GPC5: variants seen among roughly 807,000 people sequenced by gnomAD.
GPC5 encodes the protein glypican 5, also known as glypican-5.
A neutral mutation model predicts 53.9 loss-of-function variants in GPC5; 47 were observed. The observed-to-expected ratio is 0.87, with a 90% CI of 0.69 to 1.11. The LOEUF (loss-of-function observed/expected upper bound fraction) is 1.11. GPC5 is among the 50% of genes most tolerant of loss of function. The pLI is 0.00. For synonymous variants in GPC5, 286 were observed against 263.3 expected (o/e 1.09, Z -0.84); for missense variants, 748 against 713.1 (o/e 1.05, Z -0.56).
chr13:92,667,880 G>A (rs17188529), intron 7 of GPC5, among the ~76,000 whole-genome samples: 33,370 of 151,952 alleles, frequency 0.22, 4,345 homozygotes, highest in South Asian at 0.36. Context: ...TTAACCTGGT[G>A]GGCATATTTT....
chr13:92,173,057 A>G (rs2042082074), intron 7 of GPC5, among the ~76,000 whole-genome samples: 1 of 150,780 alleles, frequency 6.6e-6, no homozygotes, highest in African/African-American at 2.4e-5. Context: ...TTTTTGGTTA[A>G]AGTAATTTTT....
At position 92,343,994 on chromosome 13, in the gene GPC5, T is replaced by G. The variant is rs543681621; in HGVS notation, c.1561+199005T>G. On this transcript the variant is annotated intron_variant, in intron 7 of 7. Coordinates refer to ENST00000377067, the MANE Select transcript of GPC5 (RefSeq NM_004466.6). ...GATAATAGATAATGAGGAATAATTT[T>G]TAATTGTTGTTTTCCTGCCCAGCCT... Among the ~76,000 whole-genome samples the G allele has an allele frequency of 6.3e-4, 96 of 152,208 alleles. 1 individual carries two copies. The highest frequency in any genetic ancestry group is 2.1e-3 in the Admixed American group (32 of 15,260).
intron 5 of GPC5, among the ~76,000 whole-genome samples, chr13:91,870,091 G>A (rs140550415): frequency 2.6e-4 from 39 of 152,208 alleles, no homozygotes; most frequent in Admixed American, 1.6e-3. Context: ...ACCCTTAATT[G>A]GTAAAGACTA....
At chr13:91,438,672 C>G (rs1337101066) in intron 1 of GPC5, among the ~76,000 whole-genome samples, 1 of 152,202 alleles carries the variant, frequency 6.6e-6, no homozygotes, top group Admixed American at 6.5e-5. Context: ...GGGAGAACCA[C>G]TACTCTCTTC....
intron 7 of GPC5, chr13:92,705,839 A>G (rs2139260081): frequency 6.6e-6 from 1 of 152,200 alleles, no homozygotes; most frequent in Admixed American, 6.6e-5. Context: ...TAGTCCCAGC[A>G]ATTTGAGAAG....
intron 7 of GPC5, among the ~76,000 whole-genome samples, chr13:92,807,340 T>G (rs1446692717): frequency 6.6e-6 from 1 of 152,104 alleles, no homozygotes; most frequent in African/African-American, 2.4e-5. Flanking sequence ...ATATTATGGT[T>G]GATGGCCATC....
At chr13:92,752,610 G>A (rs1367538262) in intron 7 of GPC5, among the ~76,000 whole-genome samples, 3 of 152,084 alleles carry the variant, frequency 2.0e-5, no homozygotes, top group African/African-American at 7.2e-5. Context: ...GCCAGACAGT[G>A]GGCGCAGGTC....
At chr13:92,089,869 A>G (rs1203965153) in intron 6 of GPC5, among the ~76,000 whole-genome samples, 11 of 152,172 alleles carry the variant, frequency 7.2e-5, no homozygotes, top group Non-Finnish European at 1.5e-4. Flanking sequence ...TCATGTTACA[A>G]TGCAGGTTCT....
At chr13:92,494,594 C>A (rs1404225286) in intron 7 of GPC5, among the ~76,000 whole-genome samples, 2 of 152,110 alleles carry the variant, frequency 1.3e-5, no homozygotes, top group Non-Finnish European at 2.9e-5. Flanking sequence ...GAAGTAATTG[C>A]AGCTGTATCT....
At chr13:92,674,822 A>G (rs763938204) in intron 7 of GPC5, among the ~76,000 whole-genome samples, 5 of 152,138 alleles carry the variant, frequency 3.3e-5, no homozygotes, top group Non-Finnish European at 7.4e-5. Flanking sequence ...ACCTCACTTT[A>G]GAGAGAAAAT....
intron 7 of GPC5, among the ~76,000 whole-genome samples, chr13:92,563,044 A>G (rs1192215183): frequency 6.6e-6 from 1 of 151,466 alleles, no homozygotes; most frequent in Non-Finnish European, 1.5e-5. Context: ...AAATTCCCCC[A>G]CTCCAGTTTG....
rs1454310018 is a variant in GPC5 at position 92,591,710 on chromosome 13, A to C, written c.1562-274572A>C. Reference sequence around the variant, plus strand: ...GAATTCATTTCTCCTATCTAACTATAATTATATATCCTTCGACCAACCTTT... The same window carrying C: ...GAATTCATTTCTCCTATCTAACTATCATTATATATCCTTCGACCAACCTTT... On this transcript the variant is annotated intron_variant, in intron 7 of 7. Coordinates refer to ENST00000377067, the MANE Select transcript of GPC5 (RefSeq NM_004466.6). Among the ~76,000 whole-genome samples, 6 of 152,040 alleles carry C rather than the reference A, an allele frequency of 3.9e-5. No homozygotes were observed. The East Asian group carries it at 1.2e-3, about 29-fold the overall frequency.
rs2139062289 is a variant in GPC5, at chr13:91,952,660, T to C, written c.1401+44603T>C. Reference sequence around the variant, plus strand: ...AAGTGTAGGAATAGGTTTTAACAAATACAGAAGAGAATTTTTTCCAGGTCT... The same window carrying C: ...AAGTGTAGGAATAGGTTTTAACAAACACAGAAGAGAATTTTTTCCAGGTCT... On this transcript the variant is annotated intron_variant, in intron 6 of 7. Coordinates refer to ENST00000377067, the MANE Select transcript of GPC5 (RefSeq NM_004466.6). Among the ~76,000 whole-genome samples, 4 of 152,188 alleles carry C rather than the reference T, an allele frequency of 2.6e-5. No homozygotes were observed. In the South Asian group the frequency reaches 8.3e-4, roughly 32 times the overall value.
intron 5 of GPC5, among the ~76,000 whole-genome samples, chr13:91,904,625 T>C (rs2039534237): frequency 6.6e-6 from 1 of 151,896 alleles, no homozygotes; most frequent in African/African-American, 2.4e-5. Flanking sequence ...GTAATTATAA[T>C]ACAAATATTA....
intron 7 of GPC5, among the ~76,000 whole-genome samples, chr13:92,479,895 C>A (rs546761852): frequency 6.6e-6 from 1 of 152,062 alleles, no homozygotes; most frequent in African/African-American, 2.4e-5. Context: ...ATGTAAAATG[C>A]GTTTCTCAAT....
intron 6 of GPC5, among the ~76,000 whole-genome samples, chr13:91,959,208 A>C (rs2040104044): frequency 6.6e-6 from 1 of 151,986 alleles, no homozygotes. Context: ...AAAATCAAAA[A>C]TGAAATGGGA....
intron 7 of GPC5, among the ~76,000 whole-genome samples, chr13:92,485,532 A>G (rs73632257): frequency 0.013 from 1,923 of 152,310 alleles, 43 homozygotes; most frequent in African/African-American, 0.044. Context: ...TTCTGTTTCA[A>G]TCACAGTCCA....
intron 2 of GPC5, among the ~76,000 whole-genome samples, chr13:91,689,717 A>G (rs2035714897): frequency 6.6e-6 from 1 of 152,014 alleles, no homozygotes; most frequent in Non-Finnish European, 1.5e-5. Context: ...CATCAATATC[A>G]CCGTCTTCCG....
At chr13:92,733,400 C>G (rs1342044226) in intron 7 of GPC5, among the ~76,000 whole-genome samples, 2 of 151,616 alleles carry the variant, frequency 1.3e-5, no homozygotes, top group Non-Finnish European at 3.0e-5. Context: ...GTTTGTCTTT[C>G]ATTCACTGGT....
Sources: allele counts gnomAD v4.1 joint callset (sites outside exome capture counted in the v4.1 genomes callset), GRCh38; gene constraint gnomAD v4.1.1; transcripts MANE v1.5; gene names NCBI Gene and HGNC (gene_info 2026-07-23, HGNC 2026-07-21).